FEZ2: variants seen among roughly 807,000 people sequenced by gnomAD.
FEZ2 encodes fasciculation and elongation protein zeta-2.
FEZ2 carries 51 observed loss-of-function variants against 40.4 expected under a neutral mutation model. The ratio of observed to expected loss-of-function variants is 1.26; its 90% CI spans 1.01 to 1.59. The LOEUF (loss-of-function observed/expected upper bound fraction) is 1.59. FEZ2 is among the 40% of genes most tolerant of loss of function. The pLI is 0.00. For missense variants in FEZ2, 640 were observed against 438.3 expected, an observed-to-expected ratio of 1.46 and a Z score of -4.11; for synonymous variants, 242 against 172.0, an observed-to-expected ratio of 1.41 and a Z score of -3.18.
In FEZ2 at chr2:36,552,743, T is replaced by C. The variant is rs1667848310; in HGVS notation, c.*420A>G. On this transcript the variant is annotated 3_prime_UTR_variant, in exon 8 of 8. Transcript: ENST00000405912. ...TAGGTAATAGTTACACTGACAATTC[T>C]CACAAAAAAACAGTGTTGGTTCTTG... 5.2e-6 allele frequency: 1 copy of C among 191,934 alleles called. No individual in the cohort carries two copies. Among genetic ancestry groups the C allele is most frequent in the Non-Finnish European group, 1.1e-5 (1 of 93,010 alleles). 11.9% of individuals were successfully genotyped at this position (191,934 alleles called of 1,614,324 possible). A position where few individuals can be genotyped will look rare whatever the true frequency, so the allele number is the denominator to read the frequency against.
At chr2:36,592,188 T>C (rs897896748) in intron 1 of FEZ2, among the ~76,000 whole-genome samples, 2 of 152,178 alleles carry the variant, frequency 1.3e-5, no homozygotes, top group African/African-American at 4.8e-5. Flanking sequence ...AGGTATCTAA[T>C]TGTGAATAAG....
intron 5 of FEZ2, among the ~76,000 whole-genome samples, chr2:36,559,706 C>G (rs1668043675): frequency 6.6e-6 from 1 of 152,210 alleles, no homozygotes; most frequent in Admixed American, 6.5e-5. Flanking sequence ...GTGAGGCAAC[C>G]TGGAGAGGCA....
chr2:36,560,221 C>A (rs1247465817), intron 5 of FEZ2, among the ~76,000 whole-genome samples: 1 of 152,186 alleles, frequency 6.6e-6, no homozygotes, highest in African/African-American at 2.4e-5. Context: ...ATATTCATAT[C>A]TGTGTATAAT....
intron 1 of FEZ2, among the ~76,000 whole-genome samples, chr2:36,596,713 C>T (rs1669235492): frequency 6.6e-6 from 1 of 152,154 alleles, no homozygotes; most frequent in African/African-American, 2.4e-5. Flanking sequence ...AGCCATCCTC[C>T]CACCACAGCC....
intron 5 of FEZ2, among the ~76,000 whole-genome samples, chr2:36,567,761 CAAA>C (rs201650768): frequency 5.2e-5 from 6 of 115,718 alleles, no homozygotes; most frequent in Non-Finnish European, 5.8e-5. Flanking sequence ...GACTCTGTCT[CAAA>C]AAAAAAAAAA....
Position 36,581,375 on chromosome 2 carries a change from T to A in FEZ2, c.549A>T (p.Glu183Asp), listed in dbSNP as rs1668742727. 1 of 1,613,414 alleles carries A rather than the reference T, an allele frequency of 6.2e-7. No homozygotes were observed. Among genetic ancestry groups the A allele is most frequent in the Admixed American group, 1.7e-5 (1 of 59,994 alleles). The change falls in exon 4 of 8, where the codon GAA (glutamate) becomes GAT (aspartate). Residue 183 changes from glutamate (E) to aspartate (D), a missense_variant. Transcript: ENST00000405912. Reference sequence around the variant, plus strand: ...AAAGCCGATCTGACTGTGTAGGGGTTTCATCATCTTCTGGGTCCGGTGATT... The same window carrying A: ...AAAGCCGATCTGACTGTGTAGGGGTATCATCATCTTCTGGGTCCGGTGATT... ...MQESPDPEDD[E>D]TPTQSDRLSM...
intron 5 of FEZ2, among the ~76,000 whole-genome samples, chr2:36,564,407 C>G (rs1306421214): frequency 2.0e-5 from 3 of 152,166 alleles, no homozygotes; most frequent in Non-Finnish European, 4.4e-5. Context: ...TTTCCTCTTT[C>G]TTTCAAAAAA....
At chr2:36,574,157 C>T (rs1668497194) in intron 5 of FEZ2, among the ~76,000 whole-genome samples, 1 of 152,142 alleles carries the variant, frequency 6.6e-6, no homozygotes, top group Admixed American at 6.5e-5. Context: ...ATGGTGTTTG[C>T]TATGTTTGCT....
rs1558437093 is a variant in FEZ2, at chr2:36,552,423, G to A, written c.*740C>T. On this transcript the variant is annotated 3_prime_UTR_variant, in exon 8 of 8. Transcript: ENST00000405912. Reference sequence around the variant, plus strand: ...CACAGTAATGAGAATGGGCAGTTCTGCAGTGTACACTTTCTCAAGCACCTC... The same window carrying A: ...CACAGTAATGAGAATGGGCAGTTCTACAGTGTACACTTTCTCAAGCACCTC... 1 of 355,436 alleles carries A rather than the reference G, an allele frequency of 2.8e-6. No individual in the cohort carries two copies. Among genetic ancestry groups the A allele is most frequent in the Non-Finnish European group, 5.5e-6 (1 of 182,840 alleles). The allele number at this position is 355,436 out of a possible 1,614,324, so 22.0% of individuals were successfully genotyped here.
chr2:36,571,430 G>T (rs1347484898), intron 5 of FEZ2, among the ~76,000 whole-genome samples: 1 of 152,008 alleles, frequency 6.6e-6, no homozygotes, highest in Non-Finnish European at 1.5e-5. Flanking sequence ...GGAGGCCGAG[G>T]TGGGCGGATC....
In FEZ2 at chr2:36,581,382, T is replaced by A. The variant is rs760565426; in HGVS notation, c.542A>T (p.Asp181Val). ...ATCTGACTGTGTAGGGGTTTCATCA[T>A]CTTCTGGGTCCGGTGATTCCTGCAT... is the stretch of plus-strand genomic sequence containing the variant. Reference protein sequence around the residue: ...EMMQESPDPEDDETPTQSDRL... With the variant: ...EMMQESPDPEVDETPTQSDRL... The change falls in exon 4 of 8, where the codon GAT (aspartate) becomes GTT (valine). Residue 181 changes from aspartate (D) to valine (V), a missense_variant. Physicochemically the swap from Asp to Val is radical, Grantham distance 152 (BLOSUM62 -3). Coordinates refer to ENST00000405912, the MANE Select transcript of FEZ2 (RefSeq NM_005102.3). 6 of 1,613,610 alleles carry A rather than the reference T, an allele frequency of 3.7e-6. No homozygotes were observed. Among genetic ancestry groups the A allele is most frequent in the Non-Finnish European group, 5.1e-6 (6 of 1,179,526 alleles).
intron 2 of FEZ2, among the ~76,000 whole-genome samples, chr2:36,589,141 T>C (rs1481080450): frequency 1.3e-5 from 2 of 152,202 alleles, no homozygotes; most frequent in Admixed American, 6.5e-5. Context: ...AGGAACAGTA[T>C]AGTTACTATA....
chr2:36,595,026 G>A (rs376372178), intron 1 of FEZ2, among the ~76,000 whole-genome samples: 2 of 152,140 alleles, frequency 1.3e-5, no homozygotes, highest in South Asian at 2.1e-4. Context: ...ACAACCAGTC[G>A]TAAACAACGG....
At chr2:36,555,618 G>A (rs1225828430) in intron 7 of FEZ2, 65 bp downstream of exon 7, 3 of 796,078 alleles carry the variant, frequency 3.8e-6, no homozygotes, top group East Asian at 2.5e-5. Context: ...GTATTAGCAA[G>A]GCGATGTATT....
At chr2:36,586,543 C>T (rs966334861) in intron 2 of FEZ2, among the ~76,000 whole-genome samples, 1 of 151,616 alleles carries the variant, frequency 6.6e-6, no homozygotes, top group African/African-American at 2.4e-5. Flanking sequence ...GGGAGGATCA[C>T]TTGAGCCCAG....
chr2:36,589,832 T>A (rs535339759), intron 2 of FEZ2: 4 of 152,182 alleles, frequency 2.6e-5, no homozygotes, highest in African/African-American at 9.7e-5. Flanking sequence ...AACAATACTA[T>A]GTAAAATAGT....
intron 5 of FEZ2, among the ~76,000 whole-genome samples, chr2:36,566,522 C>T (rs1291562339): frequency 6.6e-6 from 1 of 152,070 alleles, no homozygotes; most frequent in African/African-American, 2.4e-5. Flanking sequence ...CTTTCATATG[C>T]TCCAAAAAGC....
At chr2:36,592,026 T>G (rs1319472395) in intron 1 of FEZ2, among the ~76,000 whole-genome samples, 1 of 152,146 alleles carries the variant, frequency 6.6e-6, no homozygotes, top group Non-Finnish European at 1.5e-5. Context: ...CAATAAAACA[T>G]GATGTTTTAT....
intron 1 of FEZ2, among the ~76,000 whole-genome samples, chr2:36,595,594 C>T (rs559533558): frequency 6.6e-6 from 1 of 152,308 alleles, no homozygotes; most frequent in East Asian, 1.9e-4. Context: ...AGTTCCAGTA[C>T]CGGTCTGTGG....
Sources: gnomAD v4.1 joint callset for allele counts (sites outside exome capture counted in the v4.1 genomes callset) on GRCh38, gnomAD v4.1.1 for gene constraint, MANE v1.5 for transcripts, NCBI Gene and HGNC (gene_info 2026-07-23, HGNC 2026-07-21) for gene names.